Variants in MAP3K21 observed in about 807,000 individuals in gnomAD.
MAP3K21 encodes the protein mitogen-activated protein kinase kinase kinase MLK4.
A neutral mutation model predicts 86.1 loss-of-function variants in MAP3K21; 63 were observed. That is an observed-to-expected ratio of 0.73 (90% CI 0.60 to 0.90). The LOEUF is 0.90. Among genes scored for constraint, MAP3K21 ranks in the 40% least tolerant of loss-of-function variants. The probability of loss-of-function intolerance (pLI) is 0.00; values close to 1 mark genes in which losing one functional copy is unlikely to be tolerated. For missense variants in MAP3K21, 1,220 were observed against 1,367.7 expected (o/e 0.89, Z 1.70); for synonymous variants, 558 against 564.8 (o/e 0.99, Z 0.17).
At chr1:233,332,075 A>G (rs532242963) in intron 1 of MAP3K21, among the ~76,000 whole-genome samples, 3 of 152,226 alleles carry the variant, frequency 2.0e-5, no homozygotes, top group African/African-American at 7.2e-5. Context: ...ATGCGCATTT[A>G]CAGAAGAGAG....
intron 1 of MAP3K21, among the ~76,000 whole-genome samples, chr1:233,340,633 C>G (rs904638195): frequency 2.0e-5 from 3 of 151,990 alleles, no homozygotes; most frequent in African/African-American, 7.3e-5. Flanking sequence ...TGAAGGGGAA[C>G]TGGTGCCACT....
At chr1:233,363,329 A>G (rs1461182740) in intron 5 of MAP3K21, among the ~76,000 whole-genome samples, 1 of 152,238 alleles carries the variant, frequency 6.6e-6, no homozygotes, top group African/African-American at 2.4e-5. Context: ...AATATGTATT[A>G]TGAAACACTG....
At chr1:233,374,027 C>T (rs941833240) in intron 6 of MAP3K21, 7 of 152,076 alleles carry the variant, frequency 4.6e-5, no homozygotes, top group Admixed American at 2.6e-4. Context: ...GTCTAATAAC[C>T]CCCAGCTGAA....
rs1392601828 is a variant in MAP3K21 at position 233,328,221 on chromosome 1, G to A, written c.193G>A (p.Val65Met). 6.7e-7 allele frequency: 1 copy of A among 1,490,536 alleles called. No individual in the cohort carries two copies. Among genetic ancestry groups the A allele is most frequent in the South Asian group, 1.3e-5 (1 of 79,520 alleles). The allele number at this position is 1,490,536 out of a possible 1,614,324, so 92.3% of individuals were successfully genotyped here. A position where few individuals can be genotyped will look rare whatever the true frequency, so the allele number is the denominator to read the frequency against. ...GCTGAGCCTGCGGCGCGGCCAGCTG[G>A]TGGAGGTGCTGTCGCAGGACGCCGC... ...DELSLRRGQL[V>M]EVLSQDAAVS... The change falls in exon 1 of 10, where the codon GTG becomes ATG. Residue 65 changes from valine to methionine, a missense_variant. Physicochemically the swap from Val to Met is conservative, Grantham distance 21. Transcript: ENST00000366624. The surrounding 1 kb of genome is among the most constrained non-coding windows in gnomAD (Gnocchi z 8.7).
chr1:233,347,093 C>A (rs559019560), intron 2 of MAP3K21, among the ~76,000 whole-genome samples: 14 of 152,122 alleles, frequency 9.2e-5, no homozygotes, highest in African/African-American at 3.4e-4. Context: ...AGAGTGTCCA[C>A]TATGTTTCCC....
chr1:233,371,797 A>C (rs982564127), intron 5 of MAP3K21, among the ~76,000 whole-genome samples: 1 of 147,584 alleles, frequency 6.8e-6, no homozygotes, highest in African/African-American at 2.6e-5. Flanking sequence ...GTGTGTGACT[A>C]TATCCAACAT....
At chr1:233,356,176 A>C (rs999754934) in intron 4 of MAP3K21, among the ~76,000 whole-genome samples, 3 of 152,026 alleles carry the variant, frequency 2.0e-5, no homozygotes, top group African/African-American at 7.2e-5. Flanking sequence ...ACTCTACTCC[A>C]TCGGGTAAAC....
intron 1 of MAP3K21, among the ~76,000 whole-genome samples, chr1:233,341,450 TA>T (rs1267698030): frequency 6.6e-6 from 1 of 152,170 alleles, no homozygotes; most frequent in Non-Finnish European, 1.5e-5. Flanking sequence ...CATGGTACCC[TA>T]AAGGGTTGAC....
chr1:233,345,330 C>T (rs1470325717), intron 1 of MAP3K21, among the ~76,000 whole-genome samples: 1 of 152,162 alleles, frequency 6.6e-6, no homozygotes, highest in Non-Finnish European at 1.5e-5. Flanking sequence ...TTGGAACCAA[C>T]CCAAATGTCC....
intron 1 of MAP3K21, among the ~76,000 whole-genome samples, chr1:233,331,838 G>C (rs1466854401): frequency 6.6e-6 from 1 of 152,166 alleles, no homozygotes; most frequent in Non-Finnish European, 1.5e-5. Context: ...GATATGTTGT[G>C]AATGATATAA....
intron 5 of MAP3K21, among the ~76,000 whole-genome samples, chr1:233,371,458 T>C (rs1248980583): frequency 2.0e-5 from 3 of 152,210 alleles, no homozygotes; most frequent in Admixed American, 6.5e-5. Context: ...CCTCCCAGGT[T>C]CAAGTGATTC....
Position 233,328,396 on chromosome 1 carries a change from G to A in MAP3K21, c.368G>A (p.Arg123Gln). The change falls in exon 1 of 10, where the codon CGG (arginine) becomes CAG (glutamine). Residue 123 changes from arginine (R) to glutamine (Q), a missense_variant. Physicochemically the swap from Arg to Gln is conservative, Grantham distance 43 (BLOSUM62 1). Around this residue, in one of 5 missense-constraint regions of MAP3K21, gnomAD observed 369 missense variants for 385.3 expected, o/e 0.96. Transcript: ENST00000366624. This position sits in a 1 kb window ranked among gnomAD's most constrained non-coding sequence, Gnocchi z 8.7. ...PSSPVHVAFE[R>Q]LELKELIGAG... ...TCCCCGGTACACGTCGCCTTCGAGCGGCTGGAGCTGAAGGAGCTCATCGGC... is the reference window on the plus strand; with the variant it reads ...TCCCCGGTACACGTCGCCTTCGAGCAGCTGGAGCTGAAGGAGCTCATCGGC... The A allele has an allele frequency of 1.3e-6, 2 of 1,488,796 alleles. No individual in the cohort carries two copies. Among genetic ancestry groups the A allele is most frequent in the Non-Finnish European group, 8.9e-7 (1 of 1,127,120 alleles). The allele number at this position is 1,488,796 out of a possible 1,614,324, so 92.2% of individuals were successfully genotyped here. A position where few individuals can be genotyped will look rare whatever the true frequency, so the allele number is the denominator to read the frequency against.
chr1:233,376,340 C>A, intron 7 of MAP3K21, 90 bp from the exon 8 acceptor site: 1 of 950,044 alleles, frequency 1.1e-6, no homozygotes, highest in African/African-American at 1.7e-5. Flanking sequence ...TCTTTACTAC[C>A]TTAAAAATAT....
intron 8 of MAP3K21, among the ~76,000 whole-genome samples, chr1:233,378,520 A>G (rs776856829): frequency 6.6e-6 from 1 of 152,248 alleles, no homozygotes; most frequent in Non-Finnish European, 1.5e-5. Context: ...TATACACAGG[A>G]AAGCTGTAGA....
intron 4 of MAP3K21, among the ~76,000 whole-genome samples, chr1:233,358,487 T>TTTTTTTA (rs1663407814): frequency 6.6e-6 from 1 of 151,336 alleles, no homozygotes; most frequent in Non-Finnish European, 1.5e-5. Context: ...TTTTTTTTTT[T>TTTTTTTA]AACACTTCCC....
rs1663405167 is a variant in MAP3K21 at position 233,358,473 on chromosome 1, G to GTTTTGT, written c.1311+3466_1311+3467insGTTTTT. Among the ~76,000 whole-genome samples the GTTTTGT allele has an allele frequency of 3.5e-5, 5 of 141,646 alleles. No individual in the cohort carries two copies. In the South Asian group the frequency reaches 1.1e-3, roughly 32 times the overall value. The allele number at this position is 141,646 out of a possible 152,430, so 92.9% of individuals were successfully genotyped here. On this transcript the variant is annotated intron_variant, in intron 4 of 9. Coordinates refer to ENST00000366624, the MANE Select transcript of MAP3K21 (RefSeq NM_032435.3). The stretch of plus-strand genomic sequence containing the variant: ...AATGATACAGGAAAGACTCTAATTT[G>GTTTTGT]TTTTTTTTTTTTTTAACACTTCCCC...
At chr1:233,351,433 C>T (rs968415366) in intron 2 of MAP3K21, among the ~76,000 whole-genome samples, 2 of 152,124 alleles carry the variant, frequency 1.3e-5, no homozygotes, top group African/African-American at 4.8e-5. Context: ...AGCTTGTGAG[C>T]AGTAATACCA....
intron 2 of MAP3K21, among the ~76,000 whole-genome samples, chr1:233,351,335 T>C (rs185368811): frequency 6.6e-6 from 1 of 152,134 alleles, no homozygotes; most frequent in Non-Finnish European, 1.5e-5. Flanking sequence ...GATAAAACAA[T>C]GTTTTGAGAT....
At position 233,328,804 on chromosome 1, in the gene MAP3K21, T is replaced by C; in HGVS notation, c.776T>C (p.Ile259Thr). The C allele has an allele frequency of 2.6e-6, 4 of 1,536,844 alleles. No homozygotes were observed. The highest frequency in any genetic ancestry group is 3.5e-6 in the Non-Finnish European group (4 of 1,139,912). ...CTGCATGAGGAGGCCTTCGTGCCCA[T>C]CCTGCACCGGGACCTCAAGTCCAGC... ...LYLHEEAFVPILHRDLKSSNI... is the reference protein window; with the variant it reads ...LYLHEEAFVPTLHRDLKSSNI... The change falls in exon 1 of 10, where the codon ATC becomes ACC. Residue 259 changes from isoleucine (I) to threonine (T), a missense_variant. By Grantham distance (89) the Ile-to-Thr change is moderately conservative. This residue lies in a region of MAP3K21 where 89 missense variants were observed against 144.8 expected (regional missense o/e 0.61). Transcript: ENST00000366624. This position sits in a 1 kb window ranked among gnomAD's most constrained non-coding sequence, Gnocchi z 8.7.
Sources: allele counts gnomAD v4.1 joint callset (sites outside exome capture counted in the v4.1 genomes callset), GRCh38; gene constraint gnomAD v4.1.1; regional missense constraint gnomAD v4.1.1; non-coding constraint Gnocchi (gnomAD v3.1); transcripts MANE v1.5; gene names NCBI Gene and HGNC (gene_info 2026-07-23, HGNC 2026-07-21).